CABIN1: variants seen among roughly 807,000 people sequenced by gnomAD.
CABIN1 encodes the protein calcineurin-binding protein cabin-1.
In CABIN1, 133 loss-of-function variants were observed where a neutral mutation model predicts 227.7. The ratio of observed to expected loss-of-function variants is 0.58; its 90% CI spans 0.51 to 0.67. The LOEUF is 0.67. Ranked by LOEUF, CABIN1 falls within the 30% of genes least tolerant of loss-of-function variation. CABIN1 has a pLI of 0.00. For missense variants in CABIN1, 2,408 were observed against 2,852.5 expected (o/e 0.84, Z 3.55); for synonymous variants, 1,086 against 1,155.1 (o/e 0.94, Z 1.21).
chr22:24,126,408 A>G (rs1331139694), intron 28 of CABIN1, among the ~76,000 whole-genome samples: 1 of 152,210 alleles, frequency 6.6e-6, no homozygotes, highest in Non-Finnish European at 1.5e-5. Flanking sequence ...ATATTGGGGA[A>G]GAGGCTTCCA....
chr22:24,164,444 CT>C lies in CABIN1; in HGVS notation c.4794del (p.Phe1598LeufsTer5). The C allele has an allele frequency of 1.2e-6, 2 of 1,605,562 alleles. No individual in the cohort carries two copies. ...PVDEIDRPGS[F>X]AWHMNRSIVL... Reference sequence around the variant, plus strand: ...TGGACGAGATTGACCGGCCGGGCAGCTTTGCCTGGCACATGAACCGCTCCAT... The same window carrying C: ...TGGACGAGATTGACCGGCCGGGCAGCTTGCCTGGCACATGAACCGCTCCAT... On this transcript the variant is annotated frameshift_variant, in exon 30 of 37. Transcript: ENST00000263119. LOFTEE classifies it high-confidence loss of function.
intron 2 of CABIN1, among the ~76,000 whole-genome samples, 158 bp from the exon 3 acceptor site, chr22:24,035,931 A>G (rs1179447886): frequency 2.5e-5 from 3 of 119,328 alleles, no homozygotes; most frequent in African/African-American, 9.8e-5. Flanking sequence ...TCTTTAGAGG[A>G]TGATTTTTTT....
rs200991701 is a variant in CABIN1, at chr22:24,054,936, A to G, written c.870A>G (p.Pro290=). Residue 290 remains proline, a synonymous_variant, in exon 9 of 37, where the codon CCA becomes CCG. Coordinates refer to ENST00000263119, the MANE Select transcript of CABIN1 (RefSeq NM_012295.4). ...MYNHLTTCEP[P]RPSLGKRIDL... The stretch of plus-strand genomic sequence containing the variant: ...ATCATCTCACCACCTGTGAGCCCCC[A>G]CGTCCCAGCCTTGGCAAAAGGATTG... The G allele has an allele frequency of 2.0e-5, 32 of 1,614,122 alleles. No individual in the cohort carries two copies. Among genetic ancestry groups the G allele is most frequent in the Non-Finnish European group, 1.7e-6 (2 of 1,180,012 alleles).
At chr22:24,034,605 C>G (rs2036732717) in intron 1 of CABIN1, among the ~76,000 whole-genome samples, 1 of 152,152 alleles carries the variant, frequency 6.6e-6, no homozygotes, top group South Asian at 2.1e-4. Flanking sequence ...GTTTTCATTT[C>G]TTTTGGGTAG....
intron 23 of CABIN1, among the ~76,000 whole-genome samples, chr22:24,088,251 A>G (rs2041300828): frequency 6.6e-6 from 1 of 152,100 alleles, no homozygotes; most frequent in African/African-American, 2.4e-5. Context: ...GTAGCACTGC[A>G]CCCTAGAGAG....
chr22:24,109,671 C>G (rs1301226560), intron 26 of CABIN1, among the ~76,000 whole-genome samples: 1 of 152,126 alleles, frequency 6.6e-6, no homozygotes, highest in Non-Finnish European at 1.5e-5. Context: ...GTCTGCCTTT[C>G]TCCTTGTGTT....
Position 24,067,003 on chromosome 22 carries a change from A to C in CABIN1, c.2054A>C (p.Lys685Thr). 1.2e-6 allele frequency: 2 copies of C among 1,614,220 alleles called. No homozygotes were observed. Among genetic ancestry groups the C allele is most frequent in the Non-Finnish European group, 1.7e-6 (2 of 1,180,032 alleles). ...VSLEEIDKNL[K>T]SLERCQSLEE... ...CTTTTTCAGATTGATAAGAACCTGA[A>C]GTCGCTGGAGCGGTGCCAGTCCCTG... Residue 685 changes from lysine (K) to threonine (T), a missense_variant, in exon 16 of 37, where the codon AAG becomes ACG. By Grantham distance (78) the Lys-to-Thr change is moderately conservative. Around this residue, in one of 3 missense-constraint regions of CABIN1, gnomAD observed 1,045 missense variants for 1,168.4 expected, o/e 0.89. Coordinates refer to ENST00000263119, the MANE Select transcript of CABIN1 (RefSeq NM_012295.4).
intron 1 of CABIN1, among the ~76,000 whole-genome samples, chr22:24,024,731 C>T (rs1423114247): frequency 6.6e-6 from 1 of 152,134 alleles, no homozygotes; most frequent in Non-Finnish European, 1.5e-5. Flanking sequence ...TTTTCTCACA[C>T]TGGATAATTT....
At position 24,166,681 on chromosome 22, in the gene CABIN1, G is replaced by T; in HGVS notation, c.5050G>T (p.Ala1684Ser). Residue 1684 changes from alanine (A) to serine (S), a missense_variant, in exon 32 of 37, where the codon GCC (alanine) becomes TCC (serine). Ala to Ser is a moderately conservative substitution (Grantham distance 99, BLOSUM62 1). Around this residue, in one of 3 missense-constraint regions of CABIN1, gnomAD observed 714 missense variants for 773.8 expected, o/e 0.92. Coordinates refer to ENST00000263119, the MANE Select transcript of CABIN1 (RefSeq NM_012295.4). ...PGPKVCGLPG[A>S]RMTTDVSHKA... ...GCCCAAGGTCTGTGGCCTCCCCGGAGCCAGGATGACCACCGATGTCTCACA... is the reference window on the plus strand; with the variant it reads ...GCCCAAGGTCTGTGGCCTCCCCGGATCCAGGATGACCACCGATGTCTCACA... The T allele has an allele frequency of 6.2e-7, 1 of 1,612,698 alleles. No homozygotes were observed. The highest frequency in any genetic ancestry group is 8.5e-7 in the Non-Finnish European group (1 of 1,179,968).
intron 29 of CABIN1, among the ~76,000 whole-genome samples, chr22:24,145,602 G>A (rs2045061182): frequency 6.6e-6 from 1 of 152,178 alleles, no homozygotes; most frequent in African/African-American, 2.4e-5. Flanking sequence ...GCACTCTGAT[G>A]CTCAGATCTG....
chr22:24,168,924 G>A (rs895582640), intron 33 of CABIN1, among the ~76,000 whole-genome samples: 7 of 152,162 alleles, frequency 4.6e-5, no homozygotes, highest in East Asian at 1.9e-4. Flanking sequence ...CCGCCCCACC[G>A]CCCCAGGGGA....
chr22:24,027,287 T>C (rs75810528), intron 1 of CABIN1, among the ~76,000 whole-genome samples: 1,596 of 152,362 alleles, frequency 0.01, 18 homozygotes, highest in Middle Eastern at 0.024. Flanking sequence ...TACTTGAGAT[T>C]TTCTATGAAA....
At chr22:24,040,471 T>G (rs537132202) in intron 4 of CABIN1, among the ~76,000 whole-genome samples, 7 of 152,320 alleles carry the variant, frequency 4.6e-5, no homozygotes, top group African/African-American at 1.7e-4. Context: ...CTTTGTCCTG[T>G]GGTTGGAGCA....
Position 24,020,496 on chromosome 22 carries a change from A to G in CABIN1, c.-75+9129A>G, listed in dbSNP as rs541825149. ...GCCACTATACCCAGCTAATTTTAAA[A>G]TTTTTTTTGTAGAGATGAGGTCTCC... On this transcript the variant is annotated intron_variant, in intron 1 of 36. Transcript: ENST00000263119. Among the ~76,000 whole-genome samples, 2 of 151,428 alleles carry G rather than the reference A, an allele frequency of 1.3e-5. 1 individual carries two copies. The highest frequency in any genetic ancestry group is 4.2e-4 in the South Asian group (2 of 4,788).
At chr22:24,172,135 G>C in intron 34 of CABIN1, 140 bp downstream of exon 34, 1 of 1,034,798 alleles carries the variant, frequency 9.7e-7, no homozygotes, top group Non-Finnish European at 1.4e-6. Flanking sequence ...CGGGGCAGGT[G>C]ACCGCGGGTC....
chr22:24,054,326 CA>C (rs2038607119), intron 8 of CABIN1, among the ~76,000 whole-genome samples: 1 of 152,188 alleles, frequency 6.6e-6, no homozygotes, highest in South Asian at 2.1e-4. Context: ...CATACCACAA[CA>C]AAACACACAA....
chr22:24,064,210 T>G (rs959522463), intron 15 of CABIN1, 23 bp downstream of exon 15: 2 of 1,613,894 alleles, frequency 1.2e-6, no homozygotes, highest in Non-Finnish European at 1.7e-6. Flanking sequence ...TTTCGTTTGT[T>G]TGTTTGTTTC....
rs993710244 is a variant in CABIN1, at chr22:24,059,901, G to A, written c.1400-23G>A. 4 of 1,608,150 alleles carry A rather than the reference G, an allele frequency of 2.5e-6. No individual in the cohort carries two copies. The African/African-American group carries it at 4.0e-5, about 16-fold the overall frequency. ...TGGAAGGTACTCTTTATTCAAGTCAGGTTGTTCTTGCTCCCCGGGCAGAAA... is the reference window on the plus strand; with the variant it reads ...TGGAAGGTACTCTTTATTCAAGTCAAGTTGTTCTTGCTCCCCGGGCAGAAA... On this transcript the variant is annotated intron_variant, in intron 11 of 36. Coordinates refer to ENST00000263119, the MANE Select transcript of CABIN1 (RefSeq NM_012295.4).
intron 2 of CABIN1, 120 bp downstream of exon 2, chr22:24,035,640 C>G (rs1349282781): frequency 1.5e-5 from 19 of 1,264,858 alleles, no homozygotes; most frequent in Non-Finnish European, 2.1e-5. Context: ...TAGCCTTCCT[C>G]CCAGGAAGGC....
Sources: gnomAD v4.1 joint callset for allele counts (sites outside exome capture counted in the v4.1 genomes callset) on GRCh38, gnomAD v4.1.1 for gene constraint, gnomAD v4.1.1 regional missense constraint, MANE v1.5 for transcripts, NCBI Gene and HGNC (gene_info 2026-07-23, HGNC 2026-07-21) for gene names.